The following CTNNA2 variants were observed in gnomAD, a reference collection of about 807,000 sequenced individuals.
The protein encoded by CTNNA2 is catenin alpha 2, also known as catenin alpha-2.
In CTNNA2, 42 loss-of-function variants were observed where a neutral mutation model predicts 101.0. The observed-to-expected ratio is 0.42, with a 90% CI of 0.32 to 0.54. The LOEUF is 0.54. Among genes scored for constraint, CTNNA2 ranks in the 20% least tolerant of loss-of-function variants. The probability of loss-of-function intolerance (pLI) is 0.14; values close to 1 mark genes in which losing one functional copy is unlikely to be tolerated. For synonymous variants in CTNNA2, 450 were observed against 456.4 expected, an observed-to-expected ratio of 0.99 and a Z score of 0.18; for missense variants, 871 against 1,223.1, an observed-to-expected ratio of 0.71 and a Z score of 4.29.
chr2:80,075,458 G>A (rs1486252803), intron 7 of CTNNA2, among the ~76,000 whole-genome samples: 4 of 151,502 alleles, frequency 2.6e-5, no homozygotes, highest in South Asian at 2.1e-4. Context: ...TCCTAGGGCT[G>A]TGTAAGGGTT....
At chr2:80,318,585 C>A (rs1365637732) in intron 7 of CTNNA2, among the ~76,000 whole-genome samples, 1 of 152,110 alleles carries the variant, frequency 6.6e-6, no homozygotes, top group African/African-American at 2.4e-5. Flanking sequence ...TCTAAAATAC[C>A]TAACAAGGTC....
At chr2:80,121,051 C>T (rs1016991679) in intron 7 of CTNNA2, among the ~76,000 whole-genome samples, 4 of 152,112 alleles carry the variant, frequency 2.6e-5, no homozygotes, top group Admixed American at 1.3e-4. Flanking sequence ...TTTGCGTTTA[C>T]AAAAAATGCT....
At chr2:79,287,720 C>T (rs1421816120) in intron 2 of CTNNA2, among the ~76,000 whole-genome samples, 1 of 152,146 alleles carries the variant, frequency 6.6e-6, no homozygotes, top group African/African-American at 2.4e-5. Flanking sequence ...TGCCCTGCCC[C>T]CAGAGGTGGA....
intron 7 of CTNNA2, among the ~76,000 whole-genome samples, chr2:79,959,214 A>T (rs78078306): frequency 0.012 from 1,782 of 152,072 alleles, 86 homozygotes; most frequent in East Asian, 0.081. Context: ...ATTTGTCTAT[A>T]TTATCCACCA....
chr2:80,171,433 A>G (rs1705049069), intron 7 of CTNNA2, among the ~76,000 whole-genome samples: 1 of 152,254 alleles, frequency 6.6e-6, no homozygotes, highest in Admixed American at 6.5e-5. Context: ...GTTCTATAAA[A>G]GTAAACATTG....
At chr2:80,170,429 A>G (rs1324626251) in intron 7 of CTNNA2, among the ~76,000 whole-genome samples, 1 of 152,180 alleles carries the variant, frequency 6.6e-6, no homozygotes, top group East Asian at 1.9e-4. Flanking sequence ...AGACCAGTAG[A>G]ACTGATATGT....
intron 3 of CTNNA2, among the ~76,000 whole-genome samples, chr2:79,760,958 A>C (rs1398054838): frequency 2.0e-5 from 3 of 152,112 alleles, no homozygotes; most frequent in African/African-American, 7.2e-5. Flanking sequence ...AGCCAAATAT[A>C]TGGCATGGCG....
chr2:79,200,839 CATTACCATA>C (rs1215856205), intron 2 of CTNNA2, among the ~76,000 whole-genome samples: 5 of 151,998 alleles, frequency 3.3e-5, no homozygotes, highest in Non-Finnish European at 7.4e-5. Context: ...TTTTAAATCT[CATTACCATA>C]TTTTAGCAAA....
At chr2:79,531,825 G>A (rs1163878375) in intron 1 of CTNNA2, among the ~76,000 whole-genome samples, 1 of 151,928 alleles carries the variant, frequency 6.6e-6, no homozygotes, top group African/African-American at 2.4e-5. Context: ...GGGATTACAG[G>A]CGCGTGCCAC....
At chr2:80,643,041 A>C (rs1435292969) in intron 18 of CTNNA2, among the ~76,000 whole-genome samples, 2 of 152,210 alleles carry the variant, frequency 1.3e-5, no homozygotes, top group Non-Finnish European at 2.9e-5. Flanking sequence ...CTGTAATAGC[A>C]CAAGATGGGA....
At chr2:80,506,511 C>A (rs1573068915) in intron 9 of CTNNA2, among the ~76,000 whole-genome samples, 1 of 152,016 alleles carries the variant, frequency 6.6e-6, no homozygotes, top group African/African-American at 2.4e-5. Flanking sequence ...GCTTGTTGGG[C>A]AATTTAAAGG....
intron 2 of CTNNA2, among the ~76,000 whole-genome samples, chr2:79,720,055 A>C (rs1050112321): frequency 6.6e-6 from 1 of 151,978 alleles, no homozygotes; most frequent in Non-Finnish European, 1.5e-5. Context: ...AGTCCATCTT[A>C]AGTTAATTTT....
chr2:79,830,367 C>T (rs954955459), intron 3 of CTNNA2, among the ~76,000 whole-genome samples: 11 of 152,060 alleles, frequency 7.2e-5, no homozygotes, highest in African/African-American at 2.7e-4. Flanking sequence ...GGATGGGCCA[C>T]GCATGGCAGC....
At chr2:79,436,648 T>C (rs1266969057) in intron 4 of CTNNA2, among the ~76,000 whole-genome samples, 3 of 151,778 alleles carry the variant, frequency 2.0e-5, no homozygotes, top group Admixed American at 1.3e-4. Flanking sequence ...TTTTTTTTTT[T>C]TGAGGCAGAG....
intron 4 of CTNNA2, among the ~76,000 whole-genome samples, chr2:79,863,477 G>T (rs1216192082): frequency 1.3e-5 from 2 of 152,176 alleles, no homozygotes. Context: ...AGTCCAAGCT[G>T]GGGGCTGAAA....
chr2:79,325,568 T>C (rs1676727779), intron 3 of CTNNA2, among the ~76,000 whole-genome samples: 1 of 151,968 alleles, frequency 6.6e-6, no homozygotes, highest in Non-Finnish European at 1.5e-5. Context: ...TCAGGAAAAA[T>C]GTATTGAATG....
intron 5 of CTNNA2, among the ~76,000 whole-genome samples, chr2:79,872,116 C>G (rs1682630069): frequency 6.6e-6 from 1 of 152,176 alleles, no homozygotes; most frequent in Non-Finnish European, 1.5e-5. Context: ...TCATACTATG[C>G]ATACAAATAT....
chr2:79,367,375 G>T (rs1041222954), intron 3 of CTNNA2, among the ~76,000 whole-genome samples: 5 of 152,130 alleles, frequency 3.3e-5, no homozygotes, highest in Admixed American at 1.3e-4. Context: ...TGAGAGAAAA[G>T]AACACGCAAA....
chr2:79,544,989 G>A (rs77495082), intron 1 of CTNNA2, among the ~76,000 whole-genome samples: 3,740 of 152,138 alleles, frequency 0.025, 135 homozygotes, highest in African/African-American at 0.085. Context: ...GCAATAGGCC[G>A]GGGCTATCCA....
Sources: allele counts gnomAD v4.1 joint callset (sites outside exome capture counted in the v4.1 genomes callset), GRCh38; gene constraint gnomAD v4.1.1; transcripts MANE v1.5; gene names NCBI Gene and HGNC (gene_info 2026-07-23, HGNC 2026-07-21).